MARCHF1: variants seen among roughly 807,000 people sequenced by gnomAD.
MARCHF1 encodes membrane associated ring-CH-type finger 1, also known as E3 ubiquitin-protein ligase MARCHF1.
In MARCHF1, 40 loss-of-function variants were observed where a neutral mutation model predicts 54.2. The observed-to-expected ratio is 0.74, with a 90% CI of 0.57 to 0.96. The LOEUF is 0.96. Ranked by LOEUF, MARCHF1 falls within the 40% of genes least tolerant of loss-of-function variation. The pLI is 0.00. For synonymous variants in MARCHF1, 236 were observed against 236.3 expected (o/e 1.00, Z 0.01); for missense variants, 586 against 656.5 (o/e 0.89, Z 1.17).
chr4:164,241,434 T>C (rs1291600620), intron 1 of MARCHF1, among the ~76,000 whole-genome samples: 1 of 152,156 alleles, frequency 6.6e-6, no homozygotes, highest in East Asian at 1.9e-4. Context: ...GTTCACACCC[T>C]AGATTGATTA....
intron 4 of MARCHF1, among the ~76,000 whole-genome samples, chr4:163,721,707 G>T (rs1561039285): frequency 1.3e-5 from 2 of 152,034 alleles, no homozygotes; most frequent in African/African-American, 2.4e-5. Context: ...CAATTTCAGA[G>T]CCTGTTATTT....
chr4:163,627,064 A>G (rs1021415108), intron 5 of MARCHF1, among the ~76,000 whole-genome samples: 1 of 152,198 alleles, frequency 6.6e-6, no homozygotes, highest in Non-Finnish European at 1.5e-5. Context: ...ATGAAATCTC[A>G]GGACTAGATG....
intron 1 of MARCHF1, among the ~76,000 whole-genome samples, chr4:164,356,724 T>A (rs1394547720): frequency 9.4e-6 from 1 of 106,192 alleles, no homozygotes; most frequent in East Asian, 3.2e-4. Flanking sequence ...GTAACTAACC[T>A]GCACATTGTG....
chr4:163,935,107 A>C (rs988303587), intron 3 of MARCHF1, among the ~76,000 whole-genome samples: 17 of 151,972 alleles, frequency 1.1e-4, no homozygotes, highest in African/African-American at 4.1e-4. Context: ...TCTCCATCAG[A>C]GCTCCAGAGT....
intron 3 of MARCHF1, among the ~76,000 whole-genome samples, chr4:163,953,514 CCT>C (rs745740769): frequency 2.4e-4 from 37 of 152,038 alleles, no homozygotes; most frequent in Non-Finnish European, 5.1e-4. Flanking sequence ...TCTCTTTTGG[CCT>C]CTGTTTTTCT....
In MARCHF1 at chr4:164,112,799, G is replaced by T. The variant is rs997140204; in HGVS notation, c.-322-1137C>A. Among the ~76,000 whole-genome samples, 5 of 151,934 alleles carry T rather than the reference G, an allele frequency of 3.3e-5. No individual in the cohort carries two copies. In the East Asian group the frequency reaches 9.6e-4, roughly 29 times the overall value. On this transcript the variant is annotated intron_variant, in intron 1 of 9. Coordinates refer to ENST00000514618, the MANE Select transcript of MARCHF1 (RefSeq NM_001394959.1). The stretch of plus-strand genomic sequence containing the variant: ...ACAACAAAATATTTCTACAAGAAAA[G>T]AATATATTGCATAGAACCATGAAAA...
intron 1 of MARCHF1, among the ~76,000 whole-genome samples, chr4:164,368,339 A>G (rs1017821928): frequency 2.0e-5 from 3 of 151,632 alleles, no homozygotes; most frequent in Non-Finnish European, 4.4e-5. Context: ...AAACATAAAT[A>G]TAATTTAAAA....
intron 9 of MARCHF1, among the ~76,000 whole-genome samples, chr4:163,541,869 T>C (rs1460047063): frequency 6.6e-6 from 1 of 152,212 alleles, no homozygotes; most frequent in Non-Finnish European, 1.5e-5. Flanking sequence ...AATAACAGTT[T>C]ATACAGATGC....
chr4:163,846,373 T>G (rs1749485204), intron 4 of MARCHF1, among the ~76,000 whole-genome samples: 1 of 152,154 alleles, frequency 6.6e-6, no homozygotes, highest in South Asian at 2.1e-4. Flanking sequence ...TACCATTTAT[T>G]TGGGTTCCAA....
At chr4:164,033,746 C>T (rs71614792) in intron 2 of MARCHF1, among the ~76,000 whole-genome samples, 34,388 of 151,966 alleles carry the variant, frequency 0.23, 3,998 homozygotes, top group Middle Eastern at 0.41. Context: ...CCAGTCAGAA[C>T]GGCAATTATT....
intron 3 of MARCHF1, among the ~76,000 whole-genome samples, chr4:163,910,459 A>G (rs1019007530): frequency 6.6e-6 from 1 of 151,976 alleles, no homozygotes; most frequent in African/African-American, 2.4e-5. Flanking sequence ...AAGTGACCCC[A>G]GTTTTTCTAA....
At chr4:163,973,014 T>C (rs1230734725) in intron 3 of MARCHF1, among the ~76,000 whole-genome samples, 1 of 152,214 alleles carries the variant, frequency 6.6e-6, no homozygotes, top group Non-Finnish European at 1.5e-5. Flanking sequence ...GATTTCTATA[T>C]GTAAATGTGG....
At chr4:164,142,019 G>A (rs1029557763) in intron 1 of MARCHF1, among the ~76,000 whole-genome samples, 2 of 152,296 alleles carry the variant, frequency 1.3e-5, no homozygotes, top group South Asian at 2.1e-4. Flanking sequence ...GAAGCACAAG[G>A]GGTCAGGGAG....
At chr4:163,943,681 AC>A (rs1334710325) in intron 3 of MARCHF1, among the ~76,000 whole-genome samples, 1 of 151,384 alleles carries the variant, frequency 6.6e-6, no homozygotes, top group African/African-American at 2.4e-5. Flanking sequence ...TGTAAAACAA[AC>A]CCCCATGAGA....
At chr4:163,757,558 ATAAG>A (rs751909534) in intron 4 of MARCHF1, among the ~76,000 whole-genome samples, 5 of 152,178 alleles carry the variant, frequency 3.3e-5, no homozygotes, top group Non-Finnish European at 7.3e-5. Flanking sequence ...GCCTAAGAAG[ATAAG>A]TAATTTTTTT....
intron 1 of MARCHF1, among the ~76,000 whole-genome samples, chr4:164,219,357 A>G (rs1732025504): frequency 6.6e-6 from 1 of 152,166 alleles, no homozygotes; most frequent in Non-Finnish European, 1.5e-5. Flanking sequence ...ATCAGTTTTA[A>G]AGTTCAGATG....
intron 4 of MARCHF1, among the ~76,000 whole-genome samples, chr4:163,775,475 T>C (rs944137235): frequency 6.6e-6 from 1 of 152,156 alleles, no homozygotes; most frequent in Non-Finnish European, 1.5e-5. Context: ...TTAATATTGT[T>C]GAGTGAATAT....
At chr4:164,195,971 G>GA (rs764922657) in intron 1 of MARCHF1, among the ~76,000 whole-genome samples, 3 of 152,016 alleles carry the variant, frequency 2.0e-5, no homozygotes, top group Non-Finnish European at 2.9e-5. Flanking sequence ...AATTAATGCA[G>GA]AAAAATCAAC....
chr4:163,542,921 G>A (rs1334582164), intron 9 of MARCHF1, among the ~76,000 whole-genome samples: 1 of 152,148 alleles, frequency 6.6e-6, no homozygotes, highest in African/African-American at 2.4e-5. Flanking sequence ...TGAGGGAGGT[G>A]TGTGAGAATA....
Sources: allele counts gnomAD v4.1 joint callset (sites outside exome capture counted in the v4.1 genomes callset), GRCh38; gene constraint gnomAD v4.1.1; transcripts MANE v1.5; gene names NCBI Gene and HGNC (gene_info 2026-07-23, HGNC 2026-07-21).